The following MPND variants were observed in gnomAD, a reference collection of about 807,000 sequenced individuals.
MPND encodes MPN domain containing, also known as MPN domain-containing protein.
In MPND, 56 loss-of-function variants were observed where a neutral mutation model predicts 59.2. That is an observed-to-expected ratio of 0.95 (90% confidence interval 0.76 to 1.18). MPND has a LOEUF of 1.18. Among genes scored for constraint, MPND ranks in the 50% most tolerant of loss-of-function variants. The probability of loss-of-function intolerance (pLI) is 0.00; values close to 1 mark genes in which losing one functional copy is unlikely to be tolerated. For missense variants in MPND, 671 were observed against 676.0 expected (o/e 0.99, Z 0.08); for synonymous variants, 323 against 291.9 (o/e 1.11, Z -1.09).
At chr19:4,357,457 G>C in intron 9 of MPND, 36 bp downstream of exon 9, 1 of 1,609,788 alleles carries the variant, frequency 6.2e-7, no homozygotes. Context: ...AGCAAGGAGG[G>C]GGGATGCTGG....
At chr19:4,359,388 T>G in intron 12 of MPND, 133 bp downstream of exon 12, 1 of 648,370 alleles carries the variant, frequency 1.5e-6, no homozygotes, top group Non-Finnish European at 2.7e-6. Context: ...CTGGTGACCC[T>G]GGTCACCCCG....
chr19:4,352,897 A>T lies in MPND; in HGVS notation c.532A>T (p.Ser178Cys). Residue 178 changes from serine (S) to cysteine (C), a missense_variant and splice_region_variant, in exon 4 of 13, where the codon AGC (serine) becomes TGC (cysteine). Coordinates refer to ENST00000599840, the MANE Select transcript of MPND (RefSeq NM_001300862.2). ...TGTCCCTGACCCCTAACCCCTGCAG[A>T]GCCCAGCCAGTGAAGGGGAGGAGGA... ...LHTPATAADE[S>C]PASEGEEEEL... is the part of the protein sequence containing the mutation. 1 of 1,378,640 alleles carries T rather than the reference A, an allele frequency of 7.3e-7. No homozygotes were observed. The highest frequency in any genetic ancestry group is 2.7e-5 in the East Asian group (1 of 36,454). The allele number at this position is 1,378,640 out of a possible 1,614,324, so 85.4% of individuals were successfully genotyped here. A position where few individuals can be genotyped will look rare whatever the true frequency, so the allele number is the denominator to read the frequency against.
At chr19:4,350,265 A>C (rs563121351) in intron 3 of MPND, among the ~76,000 whole-genome samples, 7 of 151,852 alleles carry the variant, frequency 4.6e-5, no homozygotes, top group Non-Finnish European at 1.0e-4. Flanking sequence ...TAAGGGAGAG[A>C]GAAGGAGGTG....
chr19:4,344,073 G>C (rs1343651133), intron 2 of MPND, 79 bp downstream of exon 2: 2 of 1,083,550 alleles, frequency 1.8e-6, no homozygotes, highest in Non-Finnish European at 2.3e-6. Context: ...CTTGCTGCAG[G>C]ACAAGCTTCA....
chr19:4,359,322 G>A (rs1972524034), intron 12 of MPND, 67 bp downstream of exon 12: 4 of 1,247,854 alleles, frequency 3.2e-6, no homozygotes, highest in South Asian at 1.2e-5. Context: ...CAGCCTAAAA[G>A]GTGGCAGCAA....
chr19:4,351,295 G>A (rs1213469214), intron 3 of MPND, among the ~76,000 whole-genome samples: 1 of 151,906 alleles, frequency 6.6e-6, no homozygotes, highest in Non-Finnish European at 1.5e-5. Context: ...GTAGAGATGG[G>A]GTTTCACCAT....
intron 4 of MPND, among the ~76,000 whole-genome samples, chr19:4,353,336 C>T (rs541684894): frequency 9.2e-5 from 14 of 152,148 alleles, no homozygotes; most frequent in Admixed American, 5.9e-4. Flanking sequence ...GGCTCAATCT[C>T]GGCTCACTGC....
rs772439587 is a variant in MPND at position 4,354,024 on chromosome 19, CCCTG to C, written c.665-17_665-14del. 1.2e-6 allele frequency: 2 copies of C among 1,607,146 alleles called. No homozygotes were observed. Among genetic ancestry groups the C allele is most frequent in the Admixed American group, 3.3e-5 (2 of 59,834 alleles). On this transcript the variant is annotated splice_polypyrimidine_tract_variant and intron_variant, in intron 4 of 12. Coordinates refer to ENST00000599840, the MANE Select transcript of MPND (RefSeq NM_001300862.2). ...CTAACTTGGGCTGGGGAGGGACTGA[CCCTG>C]CCTTTTTCTCTCCCAGAGGCCACAA...
intron 8 of MPND, 59 bp from the exon 9 acceptor site, chr19:4,357,194 A>G (rs1972456007): frequency 6.6e-7 from 1 of 1,509,544 alleles, no homozygotes; most frequent in Non-Finnish European, 8.9e-7. Flanking sequence ...GGCCAGCCAC[A>G]TAAGCTCACT....
intron 10 of MPND, 26 bp from the exon 11 acceptor site, chr19:4,358,055 TTC>T: frequency 6.5e-7 from 1 of 1,541,970 alleles, no homozygotes; most frequent in African/African-American, 1.4e-5. Flanking sequence ...CTGGTGAGGC[TTC>T]TCTCACTGGT....
At chr19:4,346,011 G>A (rs1243670826) in intron 3 of MPND, 30 bp downstream of exon 3, 26 of 1,581,064 alleles carry the variant, frequency 1.6e-5, no homozygotes, top group East Asian at 1.6e-4. Flanking sequence ...CCAGGAAGCC[G>A]CCCAGGTCAC....
intron 3 of MPND, chr19:4,347,243 GT>G (rs138716070): frequency 0.17 from 24,103 of 139,928 alleles, 4,311 homozygotes; most frequent in African/African-American, 0.47. Flanking sequence ...TCGTAGATAT[GT>G]TTTTTTTTTT....
In MPND at chr19:4,351,565, TAAG is replaced by T. The variant is rs375911721; in HGVS notation, c.532-1329_532-1327del. Among the ~76,000 whole-genome samples the T allele has an allele frequency of 2.2e-4, 34 of 152,128 alleles. No individual in the cohort carries two copies. The South Asian group carries it at 5.4e-3, about 24-fold the overall frequency. Reference sequence around the variant, plus strand: ...GGAGGTCATTGTGCCCTTTTACAGATAAGAATAGACTTGGCGGCCGGGCACGGT... The same window carrying T: ...GGAGGTCATTGTGCCCTTTTACAGATAATAGACTTGGCGGCCGGGCACGGT... On this transcript the variant is annotated intron_variant, in intron 3 of 12. Coordinates refer to ENST00000599840, the MANE Select transcript of MPND (RefSeq NM_001300862.2).
At chr19:4,345,584 G>C (rs2144813391) in intron 2 of MPND, among the ~76,000 whole-genome samples, 161 bp from the exon 3 acceptor site, 1 of 152,258 alleles carries the variant, frequency 6.6e-6, no homozygotes, top group African/African-American at 2.4e-5. Context: ...TTGTGGGTGT[G>C]GACTCCCAGG....
At chr19:4,353,925 C>T in intron 4 of MPND, 120 bp from the exon 5 acceptor site, 1 of 821,750 alleles carries the variant, frequency 1.2e-6, no homozygotes, top group Non-Finnish European at 2.0e-6. Context: ...ACCTCCCATG[C>T]TCAAGCGATC....
chr19:4,346,662 C>T (rs1972192905), intron 3 of MPND, among the ~76,000 whole-genome samples: 1 of 152,160 alleles, frequency 6.6e-6, no homozygotes, highest in African/African-American at 2.4e-5. Context: ...AGCAATCCTC[C>T]CACCTGGACT....
At position 4,353,989 on chromosome 19, in the gene MPND, C is replaced by A. The variant is rs527437706; in HGVS notation, c.665-56C>A. 207 of 1,508,316 alleles carry A rather than the reference C, an allele frequency of 1.4e-4. 2 individuals carry two copies. Among genetic ancestry groups the A allele is most frequent in the East Asian group, 1.0e-3 (45 of 43,742 alleles). The allele number at this position is 1,508,316 out of a possible 1,614,324, so 93.4% of individuals were successfully genotyped here. ...ATGCACCACCACACCCAGTGGCCAC[C>A]TAATTTGTTCTAACTTGGGCTGGGG... On this transcript the variant is annotated intron_variant, in intron 4 of 12. Coordinates refer to ENST00000599840, the MANE Select transcript of MPND (RefSeq NM_001300862.2).
chr19:4,346,242 C>T (rs982671551), intron 3 of MPND, among the ~76,000 whole-genome samples: 3 of 152,016 alleles, frequency 2.0e-5, no homozygotes, highest in East Asian at 3.9e-4. Context: ...GAATGGCATA[C>T]GCAAAGTCAT....
In MPND at chr19:4,358,498, CTAAACTAAG is replaced by C. The variant is rs1599579943; in HGVS notation, c.1326+327_1326+335del. On this transcript the variant is annotated intron_variant, in intron 11 of 12. Transcript: ENST00000599840. ...GTGTGTTCAACATGCATTTAAAACA[CTAAACTAAG>C]GCAGACATAGTGGCTCACGCCTGTA... 1.6e-5 allele frequency: 5 copies of C among 304,832 alleles called. No individual in the cohort carries two copies. The East Asian group carries it at 3.4e-4, about 21-fold the overall frequency. 18.9% of individuals were successfully genotyped at this position (304,832 alleles called of 1,614,324 possible). A position where few individuals can be genotyped will look rare whatever the true frequency, so the allele number is the denominator to read the frequency against.
Sources: gnomAD v4.1 joint callset for allele counts (sites outside exome capture counted in the v4.1 genomes callset) on GRCh38, gnomAD v4.1.1 for gene constraint, MANE v1.5 for transcripts, NCBI Gene and HGNC (gene_info 2026-07-23, HGNC 2026-07-21) for gene names.